The following BICC1 variants were observed in gnomAD, a reference collection of about 807,000 sequenced individuals.
The protein encoded by BICC1 is BicC family RNA binding protein 1.
BICC1 carries 43 observed loss-of-function variants against 111.0 expected under a neutral mutation model. That is an observed-to-expected ratio of 0.39 (90% confidence interval 0.30 to 0.50). The LOEUF (loss-of-function observed/expected upper bound fraction) is 0.50, where lower values mean the gene tolerates loss of function less well. BICC1 is among the 20% of genes least tolerant of loss of function. The pLI is 0.88. For missense variants in BICC1, 1,091 were observed against 1,203.2 expected, an observed-to-expected ratio of 0.91 and a Z score of 1.38; for synonymous variants, 467 against 434.4, an observed-to-expected ratio of 1.07 and a Z score of -0.93.
At chr10:58,782,046 C>T (rs1352691909) in intron 3 of BICC1, among the ~76,000 whole-genome samples, 1 of 152,062 alleles carries the variant, frequency 6.6e-6, no homozygotes, top group African/African-American at 2.4e-5. Flanking sequence ...TGTCTTTGTG[C>T]CCACTGATAA....
chr10:58,815,098 C>T (rs1844047099), intron 18 of BICC1, among the ~76,000 whole-genome samples: 1 of 90,396 alleles, frequency 1.1e-5, no homozygotes, highest in South Asian at 4.2e-4. Context: ...TGCCCCAATG[C>T]CTTTTTTCAG....
chr10:58,814,007 A>G (rs1371680055), intron 18 of BICC1, 21 bp downstream of exon 18: 15 of 1,613,328 alleles, frequency 9.3e-6, no homozygotes, highest in Non-Finnish European at 1.3e-5. Flanking sequence ...TGTTTTATGC[A>G]CACTTTTAGG....
chr10:58,707,157 A>G (rs1052611985), intron 3 of BICC1, among the ~76,000 whole-genome samples: 2 of 152,236 alleles, frequency 1.3e-5, no homozygotes, highest in African/African-American at 4.8e-5. Flanking sequence ...TCGTAATTCC[A>G]TGAGGTTTTA....
intron 1 of BICC1, among the ~76,000 whole-genome samples, chr10:58,549,130 G>A (rs746205449): frequency 2.1e-5 from 3 of 144,800 alleles, no homozygotes; most frequent in Non-Finnish European, 4.6e-5. Context: ...ACAGGCATGA[G>A]CCACCTCCCT....
intron 2 of BICC1, among the ~76,000 whole-genome samples, chr10:58,651,838 A>G (rs535226088): frequency 2.6e-5 from 4 of 152,286 alleles, no homozygotes; most frequent in Admixed American, 2.0e-4. Flanking sequence ...TTTTCTAGAA[A>G]TCTTGAGATC....
chr10:58,542,618 A>T (rs1036742710), intron 1 of BICC1, among the ~76,000 whole-genome samples: 3 of 152,164 alleles, frequency 2.0e-5, no homozygotes, highest in African/African-American at 4.8e-5. Flanking sequence ...CATATATCTC[A>T]TAACGGGTAC....
chr10:58,789,522 A>G, intron 7 of BICC1, 66 bp downstream of exon 7: 13 of 1,518,394 alleles, frequency 8.6e-6, no homozygotes, highest in Non-Finnish European at 1.2e-5. Flanking sequence ...TTTTTAAAGA[A>G]TATTAGACTA....
intron 2 of BICC1, among the ~76,000 whole-genome samples, chr10:58,682,269 G>A (rs983147134): frequency 6.6e-6 from 1 of 152,024 alleles, no homozygotes; most frequent in African/African-American, 2.4e-5. Flanking sequence ...GTCTATCATT[G>A]ATGAACATTT....
At chr10:58,669,203 A>C (rs560856288) in intron 2 of BICC1, among the ~76,000 whole-genome samples, 10 of 152,136 alleles carry the variant, frequency 6.6e-5, no homozygotes, top group African/African-American at 1.9e-4. Flanking sequence ...CTCAAACCTC[A>C]ATCCAAAATG....
chr10:58,769,077 A>G (rs1488846207), intron 3 of BICC1, among the ~76,000 whole-genome samples: 1 of 152,028 alleles, frequency 6.6e-6, no homozygotes, highest in African/African-American at 2.4e-5. Context: ...TATATGTCAA[A>G]TCTAAGAAAG....
rs888072414 is a variant in BICC1, at chr10:58,730,947, T to C, written c.307+28804T>C. Among the ~76,000 whole-genome samples the C allele has an allele frequency of 3.9e-5, 6 of 152,300 alleles. No individual in the cohort carries two copies. In the East Asian group the frequency reaches 1.2e-3, roughly 30 times the overall value. On this transcript the variant is annotated intron_variant, in intron 3 of 20. Coordinates refer to ENST00000373886, the MANE Select transcript of BICC1 (RefSeq NM_001080512.3). ...CTGCAGCCTGCTTGAATTCCTCCTT[T>C]GAAAATGGGCTTTTCTTTTCTAACA...
chr10:58,721,065 A>T (rs537668316), intron 3 of BICC1, among the ~76,000 whole-genome samples: 59 of 152,370 alleles, frequency 3.9e-4, no homozygotes, highest in Middle Eastern at 3.4e-3. Context: ...CTCTTGCTGC[A>T]GAGCAGCCTC....
intron 2 of BICC1, among the ~76,000 whole-genome samples, chr10:58,631,371 G>A (rs1837788385): frequency 1.3e-5 from 2 of 152,024 alleles, no homozygotes; most frequent in South Asian, 2.1e-4. Context: ...TCCCAAACTG[G>A]CTCTTTGGCA....
chr10:58,764,413 C>T (rs560956681), intron 3 of BICC1, among the ~76,000 whole-genome samples: 1 of 152,082 alleles, frequency 6.6e-6, no homozygotes, highest in South Asian at 2.1e-4. Context: ...ACATTATTGG[C>T]AGAAAGATAC....
chr10:58,607,337 T>TAAATAAATAAATAAATAAATAAATAAAC (rs1564510184), intron 1 of BICC1, among the ~76,000 whole-genome samples: 5 of 151,590 alleles, frequency 3.3e-5, no homozygotes, highest in African/African-American at 1.2e-4. Flanking sequence ...AATAAATAAA[T>TAAATAAATAAATAAATAAATAAATAAAC]AAATAAAACT....
chr10:58,549,668 ATTGT>A lies in BICC1; in HGVS notation c.190+36350_190+36353del, dbSNP rs549783336. On this transcript the variant is annotated intron_variant, in intron 1 of 20. Transcript: ENST00000373886. ...TTGTTGTTATTGTTGAGTTTCAAGA[ATTGT>A]TTGTTTGTTTGTTTTTTTCTTTTTT... Among the ~76,000 whole-genome samples, 91 of 146,134 alleles carry A rather than the reference ATTGT, an allele frequency of 6.2e-4. 4 individuals are homozygous for A. In the South Asian group the frequency reaches 0.013, roughly 22 times the overall value.
intron 3 of BICC1, among the ~76,000 whole-genome samples, chr10:58,722,223 A>T (rs1163344906): frequency 1.3e-5 from 2 of 152,214 alleles, no homozygotes; most frequent in Admixed American, 6.5e-5. Context: ...ATTGGAACAG[A>T]TGCGTCACTG....
chr10:58,580,027 A>ATTTTTTTTTTTTTTT (rs67834722), intron 1 of BICC1, among the ~76,000 whole-genome samples: 1 of 144,546 alleles, frequency 6.9e-6, no homozygotes. Flanking sequence ...CCTCTTAGCA[A>ATTTTTTTTTTTTTTT]TTTTTTTTTT....
chr10:58,602,511 A>T (rs1307921068), intron 1 of BICC1, among the ~76,000 whole-genome samples: 1 of 152,206 alleles, frequency 6.6e-6, no homozygotes, highest in Non-Finnish European at 1.5e-5. Flanking sequence ...TTTAAACGGA[A>T]TAAATTATAA....
Sources: allele counts gnomAD v4.1 joint callset (sites outside exome capture counted in the v4.1 genomes callset), GRCh38; gene constraint gnomAD v4.1.1; transcripts MANE v1.5; gene names NCBI Gene and HGNC (gene_info 2026-07-23, HGNC 2026-07-21).